C1orf54: variants seen among roughly 807,000 people sequenced by gnomAD.
C1orf54 encodes the protein uncharacterized protein C1orf54.
A neutral mutation model predicts 14.7 loss-of-function variants in C1orf54; 12 were observed. The observed-to-expected ratio is 0.82, with a 90% CI of 0.52 to 1.32. The LOEUF is 1.32. C1orf54 is among the 40% of genes most tolerant of loss of function. The pLI is 0.00. For missense variants in C1orf54, 163 were observed against 162.2 expected, an observed-to-expected ratio of 1.00 and a Z score of -0.03; for synonymous variants, 65 against 56.3, an observed-to-expected ratio of 1.16 and a Z score of -0.70.
upstream of C1orf54, chr1:150,268,841 C>G (rs1572091333): frequency 6.3e-7 from 1 of 1,588,092 alleles, no homozygotes; most frequent in Non-Finnish European, 8.6e-7. Context: ...GGGTGGGGGC[C>G]TGACCAGGAC....
intron 2 of C1orf54, 24 bp downstream of exon 2, chr1:150,274,194 C>G: frequency 6.6e-7 from 1 of 1,518,514 alleles, no homozygotes; most frequent in Non-Finnish European, 9.1e-7. Context: ...AGGCTCTTGC[C>G]CTTAGCCAAC....
Position 150,274,113 on chromosome 1 carries a change from C to T in C1orf54, c.73C>T (p.Leu25=), listed in dbSNP as rs782001323. The change falls in exon 2 of 6, where the codon CTG becomes TTG. Residue 25 remains leucine, a synonymous_variant. Coordinates refer to ENST00000369099, the MANE Select transcript of C1orf54 (RefSeq NM_024579.4). ...LGQEYEDEER[L]GEDEYYQVVY... ...ACAAGAATATGAGGATGAAGAAAGACTGGGAGAGGATGAATATTATCAGGT... is the reference window on the plus strand; with the variant it reads ...ACAAGAATATGAGGATGAAGAAAGATTGGGAGAGGATGAATATTATCAGGT... 2.1e-5 allele frequency: 34 copies of T among 1,612,266 alleles called. No homozygotes were observed. In the Admixed American group the frequency reaches 5.7e-4, roughly 27 times the overall value.
Position 150,279,705 on chromosome 1 carries a change from T to C in C1orf54, c.363T>C (p.Cys121=). 1 of 1,613,338 alleles carries C rather than the reference T, an allele frequency of 6.2e-7. No homozygotes were observed. Among genetic ancestry groups the C allele is most frequent in the Non-Finnish European group, 8.5e-7 (1 of 1,179,690 alleles). Residue 121 remains cysteine (C), a synonymous_variant, in exon 5 of 6, where the codon TGT becomes TGC. Coordinates refer to ENST00000369099, the MANE Select transcript of C1orf54 (RefSeq NM_024579.4). ...GTCCTATTCCCCTCCTCCTGTCGTGTGCCTTTGTTCAGGTGGGGATGTATT... is the reference window on the plus strand; with the variant it reads ...GTCCTATTCCCCTCCTCCTGTCGTGCGCCTTTGTTCAGGTGGGGATGTATT... ...LRSPIPLLLS[C]AFVQVGMYFM is the part of the protein sequence containing the mutation.
intron 4 of C1orf54, among the ~76,000 whole-genome samples, chr1:150,278,266 A>C (rs1435924309): frequency 1.3e-5 from 2 of 152,212 alleles, no homozygotes; most frequent in Non-Finnish European, 2.9e-5. Flanking sequence ...CTTGAGTGAT[A>C]ATTTTATATG....
At chr1:150,273,881 G>A (rs1178008343) in intron 1 of C1orf54, among the ~76,000 whole-genome samples, 14 of 152,102 alleles carry the variant, frequency 9.2e-5, no homozygotes, top group African/African-American at 3.4e-4. Flanking sequence ...GGAGTAACAG[G>A]CCTCATTACA....
intron 5 of C1orf54, 44 bp downstream of exon 5, chr1:150,279,785 AT>A: frequency 2.7e-6 from 4 of 1,495,476 alleles, no homozygotes; most frequent in Non-Finnish European, 3.7e-6. Context: ...GTGAAATAAT[AT>A]TTTTTAACTT....
At chr1:150,275,825 G>T in intron 3 of C1orf54, 26 bp downstream of exon 3, 2 of 1,581,192 alleles carry the variant, frequency 1.3e-6, no homozygotes, top group Non-Finnish European at 1.7e-6. Flanking sequence ...ATCTAAAAGG[G>T]TTAGGATAAG....
chr1:150,270,831 C>A (rs1295260116), upstream of C1orf54, among the ~76,000 whole-genome samples: 1 of 150,928 alleles, frequency 6.6e-6, no homozygotes, highest in Non-Finnish European at 1.5e-5. Flanking sequence ...CCCGTTTCTA[C>A]TAAAAATACA....
chr1:150,274,685 G>A (rs756216098), intron 2 of C1orf54, among the ~76,000 whole-genome samples: 4 of 151,488 alleles, frequency 2.6e-5, no homozygotes, highest in Non-Finnish European at 4.4e-5. Flanking sequence ...GGCTGAGGTG[G>A]GTGGATCACC....
rs1033547796 is a variant in C1orf54, at chr1:150,274,069, T to C, written c.47-18T>C. On this transcript the variant is annotated intron_variant, in intron 1 of 5. Coordinates refer to ENST00000369099, the MANE Select transcript of C1orf54 (RefSeq NM_024579.4). ...GGTGTTCCAGATGTCCCTTGACCTC[T>C]AGTCCTTGTCCCCATAGGACAAGAA... The C allele has an allele frequency of 1.4e-5, 22 of 1,575,844 alleles. No homozygotes were observed. The highest frequency in any genetic ancestry group is 1.9e-5 in the Non-Finnish European group (22 of 1,145,730).
intron 4 of C1orf54, 76 bp downstream of exon 4, chr1:150,276,708 T>G: frequency 8.4e-7 from 1 of 1,192,398 alleles, no homozygotes; most frequent in Non-Finnish European, 1.2e-6. Flanking sequence ...AGGGCTGGAA[T>G]ACCAGGCTTT....
chr1:150,271,721 T>G (rs951128803), upstream of C1orf54, among the ~76,000 whole-genome samples: 2 of 152,174 alleles, frequency 1.3e-5, no homozygotes, highest in Non-Finnish European at 2.9e-5. Context: ...TCTACACCTG[T>G]AGGACGGAAT....
Position 150,280,866 on chromosome 1 carries a change from G to A in C1orf54, c.*35G>A. The A allele has an allele frequency of 2.6e-6, 4 of 1,550,258 alleles. No homozygotes were observed. The highest frequency in any genetic ancestry group is 3.5e-6 in the Non-Finnish European group (4 of 1,146,872). On this transcript the variant is annotated 3_prime_UTR_variant, in exon 6 of 6. Coordinates refer to ENST00000369099, the MANE Select transcript of C1orf54 (RefSeq NM_024579.4). ...GAAGGCTGCTATGACTCTTTGGATG[G>A]GAGTCTGGCAAGAGGAAATTGGAAG...
chr1:150,268,799 C>G (rs376233738), upstream of C1orf54: 12 of 1,613,276 alleles, frequency 7.4e-6, no homozygotes, highest in Non-Finnish European at 9.3e-6. Context: ...CGAAAAACAC[C>G]GCAGCCCCCA....
Position 150,274,118 on chromosome 1 carries a change from A to G in C1orf54, c.78A>G (p.Gly26=). 1 of 1,612,574 alleles carries G rather than the reference A, an allele frequency of 6.2e-7. No homozygotes were observed. Among genetic ancestry groups the G allele is most frequent in the Non-Finnish European group, 8.5e-7 (1 of 1,178,632 alleles). The change falls in exon 2 of 6, where the codon GGA becomes GGG. Residue 26 remains glycine, a synonymous_variant. Coordinates refer to ENST00000369099, the MANE Select transcript of C1orf54 (RefSeq NM_024579.4). ...GQEYEDEERL[G]EDEYYQVVYY... ...AATATGAGGATGAAGAAAGACTGGG[A>G]GAGGATGAATATTATCAGGTGGTCT...
rs782409613 is a variant in C1orf54 at position 150,272,854 on chromosome 1, C to T, written c.37C>T (p.Leu13Phe). 7 of 1,614,048 alleles carry T rather than the reference C, an allele frequency of 4.3e-6. No homozygotes were observed. The highest frequency in any genetic ancestry group is 5.9e-6 in the Non-Finnish European group (7 of 1,180,044). The change falls in exon 1 of 6, where the codon CTT (leucine) becomes TTT (phenylalanine). Residue 13 changes from leucine (L) to phenylalanine (F), a missense_variant. Transcript: ENST00000369099. ...CTTTGTAGCCATCTTTGCTGTGCCACTTATCCTGGGTAAGTCCACTCCTCT... is the reference window on the plus strand; with the variant it reads ...CTTTGTAGCCATCTTTGCTGTGCCATTTATCCTGGGTAAGTCCACTCCTCT... ...VLFVAIFAVP[L>F]ILGQEYEDEE... is the part of the protein sequence containing the mutation.
chr1:150,268,838 G>A (rs1651990338), upstream of C1orf54: 3 of 1,590,878 alleles, frequency 1.9e-6, no homozygotes, highest in South Asian at 1.1e-5. Flanking sequence ...GGGGGGTGGG[G>A]GCCTGACCAG....
upstream of C1orf54, among the ~76,000 whole-genome samples, chr1:150,271,664 A>C (rs1652213055): frequency 6.6e-6 from 1 of 152,260 alleles, no homozygotes; most frequent in Non-Finnish European, 1.5e-5. Context: ...AGGGTTTCTG[A>C]ATTGAATGAA....
upstream of C1orf54, among the ~76,000 whole-genome samples, chr1:150,271,646 T>C (rs904482265): frequency 1.3e-5 from 2 of 152,226 alleles, no homozygotes; most frequent in African/African-American, 4.8e-5. Flanking sequence ...CTAGCACGTA[T>C]GTTGCTAAGG....
Sources: allele counts gnomAD v4.1 joint callset (sites outside exome capture counted in the v4.1 genomes callset), GRCh38; gene constraint gnomAD v4.1.1; transcripts MANE v1.5; gene names NCBI Gene and HGNC (gene_info 2026-07-23, HGNC 2026-07-21).